Variants in GABPA observed in about 807,000 individuals in gnomAD.
The protein encoded by GABPA is GA binding protein transcription factor subunit alpha, also known as GA-binding protein alpha chain.
GABPA carries 4 observed loss-of-function variants against 59.4 expected under a neutral mutation model. The observed-to-expected ratio is 0.07, with a 90% CI of 0.03 to 0.15. The LOEUF (loss-of-function observed/expected upper bound fraction) is 0.15, where lower values mean the gene tolerates loss of function less well. Among genes scored for constraint, GABPA ranks in the 10% least tolerant of loss-of-function variants. The pLI, the probability that GABPA is intolerant of heterozygous loss-of-function variation, is 1.00. For synonymous variants in GABPA, 164 were observed against 183.1 expected (o/e 0.90, Z 0.84); for missense variants, 251 against 543.8 (o/e 0.46, Z 5.36).
At chr21:25,749,007 A>G (rs776620142) in intron 3 of GABPA, 29 bp from the exon 4 acceptor site, 1 of 1,418,188 alleles carries the variant, frequency 7.1e-7, no homozygotes, top group Non-Finnish European at 1.0e-6. Context: ...TTGCACTGAA[A>G]TAATCTTACT....
intron 1 of GABPA, among the ~76,000 whole-genome samples, chr21:25,737,746 T>G (rs1425722901): frequency 1.3e-5 from 2 of 152,244 alleles, no homozygotes; most frequent in Admixed American, 6.5e-5. Flanking sequence ...TTAAAAAAAT[T>G]GGTTGTGGAG....
At position 25,772,121 on chromosome 21, in the gene GABPA, G is replaced by A. The variant is rs1028546719; in HGVS notation, c.*2889G>A. 1.3e-5 allele frequency: 2 copies of A among 152,052 alleles called. No homozygotes were observed. Among genetic ancestry groups the A allele is most frequent in the Non-Finnish European group, 2.9e-5 (2 of 67,900 alleles). The allele number at this position is 152,052 out of a possible 1,614,324, so 9.4% of individuals were successfully genotyped here. A position where few individuals can be genotyped will look rare whatever the true frequency, so the allele number is the denominator to read the frequency against. On this transcript the variant is annotated 3_prime_UTR_variant, in exon 10 of 10. Transcript: ENST00000400075. ...TGTATCCTTGAAATAGCACAAAAAT[G>A]TTTTAAAATTCATAATTGCAAAACA...
At chr21:25,765,969 G>GGTA (rs1225908720) in intron 9 of GABPA, among the ~76,000 whole-genome samples, 1 of 151,918 alleles carries the variant, frequency 6.6e-6, no homozygotes, top group Non-Finnish European at 1.5e-5. Flanking sequence ...AAAGTACCAT[G>GGTA]GTAGTCAGGA....
At position 25,745,194 on chromosome 21, in the gene GABPA, C is replaced by T. The variant is rs759344351; in HGVS notation, c.78-16C>T. On this transcript the variant is annotated splice_polypyrimidine_tract_variant and intron_variant, in intron 2 of 9. Coordinates refer to ENST00000400075, the MANE Select transcript of GABPA (RefSeq NM_002040.4). ...TAAAAAATGTAACTGTTAGCACTTACATCTTTAACATTTAGCATTGTAGAA... is the reference window on the plus strand; with the variant it reads ...TAAAAAATGTAACTGTTAGCACTTATATCTTTAACATTTAGCATTGTAGAA... 6 of 1,610,934 alleles carry T rather than the reference C, an allele frequency of 3.7e-6. No individual in the cohort carries two copies. The highest frequency in any genetic ancestry group is 1.3e-5 in the African/African-American group (1 of 74,766).
At chr21:25,741,768 T>C in intron 2 of GABPA, 93 bp downstream of exon 2, 1 of 732,998 alleles carries the variant, frequency 1.4e-6, no homozygotes. Flanking sequence ...GACTGTCTTT[T>C]TTTAACTGTT....
chr21:25,735,203 G>T lies in GABPA; in HGVS notation c.-402G>T. 1 of 594,490 alleles carries T rather than the reference G, an allele frequency of 1.7e-6. No individual in the cohort carries two copies. The highest frequency in any genetic ancestry group is 3.0e-6 in the Non-Finnish European group (1 of 331,104). The allele number at this position is 594,490 out of a possible 1,614,324, so 36.8% of individuals were successfully genotyped here. On this transcript the variant is annotated 5_prime_UTR_variant, in exon 1 of 10. Transcript: ENST00000400075. ...TTGAGTGGCCTTTCCCCTAGTTCAA[G>T]CTCCCCTCCGAGTCAGCGTCCTGTT...
At chr21:25,759,460 C>G (rs900594652) in intron 6 of GABPA, among the ~76,000 whole-genome samples, 7 of 152,072 alleles carry the variant, frequency 4.6e-5, no homozygotes, top group African/African-American at 1.7e-4. Context: ...AACCCCAGCA[C>G]TTTGGGAGTC....
chr21:25,754,722 T>C (rs2035592695), intron 5 of GABPA, among the ~76,000 whole-genome samples: 2 of 152,216 alleles, frequency 1.3e-5, no homozygotes, highest in Non-Finnish European at 2.9e-5. Flanking sequence ...TTCCCAAGTA[T>C]CTAATTATTT....
At chr21:25,749,596 C>T (rs1247483588) in intron 4 of GABPA, among the ~76,000 whole-genome samples, 4 of 152,206 alleles carry the variant, frequency 2.6e-5, no homozygotes, top group African/African-American at 7.2e-5. Context: ...CTTTGGGAGG[C>T]TGAGGTGGGC....
At chr21:25,736,445 G>A (rs2035064146) in intron 1 of GABPA, among the ~76,000 whole-genome samples, 1 of 152,108 alleles carries the variant, frequency 6.6e-6, no homozygotes, top group Non-Finnish European at 1.5e-5. Flanking sequence ...TTTAGCAACT[G>A]CTTGAGGGAC....
chr21:25,755,635 GT>G (rs1568947542), intron 5 of GABPA, among the ~76,000 whole-genome samples: 1 of 152,050 alleles, frequency 6.6e-6, no homozygotes, highest in African/African-American at 2.4e-5. Context: ...TCACTCTTCA[GT>G]TTATAGGCTT....
At chr21:25,764,096 T>C in intron 7 of GABPA, 114 bp from the exon 8 acceptor site, 2 of 846,920 alleles carry the variant, frequency 2.4e-6, no homozygotes, top group Non-Finnish European at 3.5e-6. Flanking sequence ...AGTGAAGTAC[T>C]TTCTTGGGGG....
At chr21:25,753,899 A>G (rs1218038331) in intron 5 of GABPA, among the ~76,000 whole-genome samples, 1 of 152,188 alleles carries the variant, frequency 6.6e-6, no homozygotes, top group Non-Finnish European at 1.5e-5. Flanking sequence ...TTGTAGAACC[A>G]CTGTTTTCCC....
At chr21:25,741,821 C>T (rs745658768) in intron 2 of GABPA, 146 bp downstream of exon 2, 3 of 543,144 alleles carry the variant, frequency 5.5e-6, no homozygotes, top group Non-Finnish European at 9.8e-6. Flanking sequence ...TTTCCTCTGA[C>T]TTAATGTGGT....
chr21:25,754,098 A>G (rs67336662), intron 5 of GABPA, among the ~76,000 whole-genome samples: 18,829 of 152,234 alleles, frequency 0.12, 1,296 homozygotes, highest in East Asian at 0.3. Flanking sequence ...GGTCAAAATT[A>G]AGATGGGTTG....
intron 3 of GABPA, 128 bp from the exon 4 acceptor site, chr21:25,748,908 C>T (rs1324634939): frequency 3.0e-6 from 2 of 656,944 alleles, no homozygotes; most frequent in East Asian, 2.9e-5. Context: ...ATAATGTGTT[C>T]TTATAATTTA....
chr21:25,741,532 T>C, intron 1 of GABPA, 41 bp from the exon 2 acceptor site: 2 of 1,101,668 alleles, frequency 1.8e-6, no homozygotes, highest in East Asian at 5.0e-5. Flanking sequence ...ATTTCGTTTA[T>C]GTGGATAGTT....
chr21:25,738,934 A>C (rs996279488), intron 1 of GABPA, among the ~76,000 whole-genome samples: 3 of 152,032 alleles, frequency 2.0e-5, no homozygotes, highest in Non-Finnish European at 4.4e-5. Context: ...GAAAAAAAAA[A>C]ACCAAAAACA....
At position 25,762,365 on chromosome 21, in the gene GABPA, C is replaced by T. The variant is rs948659417; in HGVS notation, c.802C>T (p.Pro268Ser). ...GAATGAAATAGTTACAATTGATCAA[C>T]GTGAGTATTTGTACCTATATTTGCC... ...QMNEIVTIDQ[P>S]VQIIPASVQS... The change falls in exon 7 of 10, where the codon CCT (proline) becomes TCT (serine). Residue 268 changes from proline to serine, a missense_variant and splice_region_variant. Coordinates refer to ENST00000400075, the MANE Select transcript of GABPA (RefSeq NM_002040.4). 7.0e-6 allele frequency: 11 copies of T among 1,567,936 alleles called. No individual in the cohort carries two copies. Among genetic ancestry groups the T allele is most frequent in the Admixed American group, 1.8e-5 (1 of 55,168 alleles).
Sources: gnomAD v4.1 joint callset for allele counts (sites outside exome capture counted in the v4.1 genomes callset) on GRCh38, gnomAD v4.1.1 for gene constraint, MANE v1.5 for transcripts, NCBI Gene and HGNC (gene_info 2026-07-23, HGNC 2026-07-21) for gene names.